EYS: variants seen among roughly 807,000 people sequenced by gnomAD.
EYS encodes protein eyes shut homolog.
A neutral mutation model predicts 282.1 loss-of-function variants in EYS; 250 were observed. The ratio of observed to expected loss-of-function variants is 0.89; its 90% CI spans 0.80 to 0.98. EYS has a LOEUF of 0.98. Ranked by LOEUF, EYS falls within the 50% of genes least tolerant of loss-of-function variation. The probability of loss-of-function intolerance (pLI) is 0.00; values close to 1 mark genes in which losing one functional copy is unlikely to be tolerated. For missense variants in EYS, 4,016 were observed against 3,709.0 expected (o/e 1.08, Z -2.15); for synonymous variants, 1,355 against 1,282.9 (o/e 1.06, Z -1.20).
intron 12 of EYS, among the ~76,000 whole-genome samples, chr6:65,084,680 C>T (rs377562352): frequency 2.3e-4 from 35 of 152,232 alleles, no homozygotes; most frequent in African/African-American, 8.2e-4. Context: ...CAATCATCTA[C>T]AATTTAAATG....
At chr6:65,443,193 G>A (rs1334256099) in intron 5 of EYS, among the ~76,000 whole-genome samples, 1 of 151,454 alleles carries the variant, frequency 6.6e-6, no homozygotes, top group African/African-American at 2.4e-5. Flanking sequence ...ATATACATAT[G>A]TGCGCACATA....
intron 30 of EYS, among the ~76,000 whole-genome samples, chr6:64,278,866 C>A (rs1197258301): frequency 2.0e-5 from 3 of 152,028 alleles, no homozygotes; most frequent in South Asian, 4.1e-4. Flanking sequence ...TGGGCTCCAG[C>A]AAATCTCCTG....
chr6:65,362,522 T>C (rs1371525357), intron 8 of EYS, among the ~76,000 whole-genome samples: 1 of 149,996 alleles, frequency 6.7e-6, no homozygotes, highest in African/African-American at 2.4e-5. Flanking sequence ...TACACATGCA[T>C]ATACATTACA....
chr6:64,193,555 G>A (rs1262601378), intron 31 of EYS, among the ~76,000 whole-genome samples: 1 of 151,854 alleles, frequency 6.6e-6, no homozygotes, highest in Admixed American at 6.6e-5. Context: ...CAACCTGCAG[G>A]TTTGTTACAT....
intron 30 of EYS, among the ~76,000 whole-genome samples, chr6:64,275,830 T>G (rs1398408357): frequency 6.6e-6 from 1 of 151,472 alleles, no homozygotes; most frequent in Non-Finnish European, 1.5e-5. Flanking sequence ...CTGGGCGTGG[T>G]GGCGGGCACC....
chr6:65,603,116 G>T (rs1482473401), intron 2 of EYS, among the ~76,000 whole-genome samples: 1 of 151,858 alleles, frequency 6.6e-6, no homozygotes, highest in Non-Finnish European at 1.5e-5. Flanking sequence ...TCTATTCAAA[G>T]AATAAGTAGC....
chr6:63,889,071 T>A (rs142796473), intron 35 of EYS, among the ~76,000 whole-genome samples: 1 of 151,750 alleles, frequency 6.6e-6, no homozygotes, highest in East Asian at 1.9e-4. Flanking sequence ...TGAGATAAAG[T>A]GTGAAGAAAA....
At chr6:64,279,929 G>A (rs1768246245) in intron 30 of EYS, among the ~76,000 whole-genome samples, 1 of 152,138 alleles carries the variant, frequency 6.6e-6, no homozygotes, top group Admixed American at 6.6e-5. Context: ...ACTTGGCCTG[G>A]ATTTAATCCC....
intron 30 of EYS, 56 bp downstream of exon 30, chr6:64,306,913 AT>A: frequency 1.2e-6 from 1 of 817,206 alleles, no homozygotes; most frequent in Non-Finnish European, 2.0e-6. Flanking sequence ...TGGAAATGAT[AT>A]CTTTTGGTGT....
intron 31 of EYS, among the ~76,000 whole-genome samples, chr6:64,082,211 C>T (rs1002045097): frequency 3.9e-5 from 6 of 151,964 alleles, no homozygotes; most frequent in Admixed American, 1.3e-4. Flanking sequence ...GAGGAAAAGA[C>T]TGAATAAGAG....
intron 31 of EYS, among the ~76,000 whole-genome samples, chr6:64,227,495 A>G (rs1013526100): frequency 6.6e-6 from 1 of 152,094 alleles, no homozygotes; most frequent in African/African-American, 2.4e-5. Context: ...ATCTGGATTC[A>G]GCCAAGATTA....
Position 63,720,564 on chromosome 6 carries a change from GTA to G in EYS, c.*30_*31del. ...TAACTATCAAAATAACTGCATTTAT[GTA>G]TAGTGTGTACTAAAATCTCTAGTGT... On this transcript the variant is annotated 3_prime_UTR_variant, in exon 43 of 43. Transcript: ENST00000503581. 2.1e-6 allele frequency: 3 copies of G among 1,402,276 alleles called. No individual in the cohort carries two copies. The highest frequency in any genetic ancestry group is 2.8e-6 in the Non-Finnish European group (3 of 1,054,424). 86.9% of individuals were successfully genotyped at this position (1,402,276 alleles called of 1,614,324 possible). A position where few individuals can be genotyped will look rare whatever the true frequency, so the allele number is the denominator to read the frequency against.
intron 40 of EYS, among the ~76,000 whole-genome samples, chr6:63,769,632 G>T (rs1769882689): frequency 1.3e-5 from 2 of 152,044 alleles, no homozygotes; most frequent in Admixed American, 6.6e-5. Flanking sequence ...AGTAAATCAA[G>T]AGATGAATAT....
intron 14 of EYS, among the ~76,000 whole-genome samples, chr6:64,995,720 C>CT (rs565543746): frequency 6.7e-6 from 1 of 148,428 alleles, no homozygotes; most frequent in African/African-American, 2.4e-5. Flanking sequence ...CTGCTTCCCC[C>CT]CCGCCCCATA....
chr6:63,977,062 T>C (rs1766870445), intron 35 of EYS, among the ~76,000 whole-genome samples: 1 of 151,844 alleles, frequency 6.6e-6, no homozygotes, highest in South Asian at 2.1e-4. Context: ...GTTAGCCTCC[T>C]ATTGTACTAT....
intron 35 of EYS, among the ~76,000 whole-genome samples, chr6:63,899,903 C>A (rs1455098818): frequency 6.6e-6 from 1 of 152,170 alleles, no homozygotes; most frequent in Non-Finnish European, 1.5e-5. Flanking sequence ...TATTCAGTAA[C>A]AAAGGAAAGA....
chr6:64,468,430 T>C (rs1775993102), intron 26 of EYS, among the ~76,000 whole-genome samples: 2 of 152,208 alleles, frequency 1.3e-5, no homozygotes, highest in Non-Finnish European at 2.9e-5. Context: ...TCTTGTGTCT[T>C]TACGTTGATA....
At chr6:64,801,963 T>G (rs1051812681) in intron 22 of EYS, among the ~76,000 whole-genome samples, 4 of 151,530 alleles carry the variant, frequency 2.6e-5, no homozygotes, top group African/African-American at 9.7e-5. Context: ...CTGTAGACCA[T>G]GCTATTTAAT....
chr6:63,748,665 C>T (rs1238742173), intron 41 of EYS, among the ~76,000 whole-genome samples: 2 of 151,928 alleles, frequency 1.3e-5, no homozygotes, highest in African/African-American at 4.8e-5. Flanking sequence ...AATTTTGGAG[C>T]TCATTATTGG....
Sources: allele counts gnomAD v4.1 joint callset (sites outside exome capture counted in the v4.1 genomes callset), GRCh38; gene constraint gnomAD v4.1.1; transcripts MANE v1.5; gene names NCBI Gene and HGNC (gene_info 2026-07-23, HGNC 2026-07-21).